The following DIAPH1 variants were observed in gnomAD, a reference collection of about 807,000 sequenced individuals.
DIAPH1 encodes protein diaphanous homolog 1.
Under a neutral mutation model 140.7 loss-of-function variants are expected in DIAPH1, and 46 were observed. That is an observed-to-expected ratio of 0.33 (90% CI 0.26 to 0.42). The LOEUF (loss-of-function observed/expected upper bound fraction) is 0.42, where lower values mean the gene tolerates loss of function less well. DIAPH1 is among the 10% of genes least tolerant of loss of function. DIAPH1 has a pLI of 1.00. For synonymous variants in DIAPH1, 565 were observed against 551.6 expected (o/e 1.02, Z -0.34); for missense variants, 1,310 against 1,558.7 (o/e 0.84, Z 2.69).
chr5:141,528,397 A>T, intron 23 of DIAPH1, 56 bp downstream of exon 23: 1 of 1,612,238 alleles, frequency 6.2e-7, no homozygotes, highest in Non-Finnish European at 8.5e-7. Context: ...ACTGTGTCTT[A>T]TTTCCCTCCC....
chr5:141,516,818 C>A lies in DIAPH1; in HGVS notation c.*33G>T, dbSNP rs757222276. Reference sequence around the variant, plus strand: ...TGCAGGGCAGGACAGTCTGCGGCTCCGCTGAGGAGCTGCCGCGGTCACAGG... The same window carrying A: ...TGCAGGGCAGGACAGTCTGCGGCTCAGCTGAGGAGCTGCCGCGGTCACAGG... On this transcript the variant is annotated 3_prime_UTR_variant, in exon 28 of 28. Transcript: ENST00000389054. 1.2e-6 allele frequency: 2 copies of A among 1,613,114 alleles called. No individual in the cohort carries two copies. The highest frequency in any genetic ancestry group is 1.1e-5 in the South Asian group (1 of 90,998).
At position 141,518,510 on chromosome 5, in the gene DIAPH1, AC is replaced by A. The variant is rs2099886042; in HGVS notation, c.3662-1503del. 1.8e-5 allele frequency: 3 copies of A among 162,788 alleles called. No homozygotes were observed. The South Asian group carries it at 4.5e-4, about 24-fold the overall frequency. 10.1% of individuals were successfully genotyped at this position (162,788 alleles called of 1,614,324 possible). A position where few individuals can be genotyped will look rare whatever the true frequency, so the allele number is the denominator to read the frequency against. On this transcript the variant is annotated intron_variant, in intron 27 of 27. Transcript: ENST00000389054. ...AAAGCTTTAGGTAGGCAGAAGCCAAACAGGATCAGATAGCCCGTCTTTTTTT... is the reference window on the plus strand; with the variant it reads ...AAAGCTTTAGGTAGGCAGAAGCCAAAAGGATCAGATAGCCCGTCTTTTTTT...
chr5:141,580,608 G>A, intron 8 of DIAPH1, 136 bp downstream of exon 8: 1 of 858,726 alleles, frequency 1.2e-6, no homozygotes, highest in Admixed American at 2.0e-5. Flanking sequence ...GATGCTTAGT[G>A]TTCACTTCTG....
chr5:141,608,269 G>C (rs1423057203), intron 1 of DIAPH1, among the ~76,000 whole-genome samples: 2 of 152,102 alleles, frequency 1.3e-5, no homozygotes, highest in South Asian at 4.1e-4. Flanking sequence ...GCACCACTGC[G>C]CTCCAGCCTG....
intron 1 of DIAPH1, among the ~76,000 whole-genome samples, chr5:141,599,534 T>A (rs1276198594): frequency 6.6e-6 from 1 of 152,180 alleles, no homozygotes; most frequent in Non-Finnish European, 1.5e-5. Context: ...CACTGCAACC[T>A]CCACCTCCTG....
intron 10 of DIAPH1, 65 bp downstream of exon 10, chr5:141,578,450 G>T: frequency 6.5e-7 from 1 of 1,530,492 alleles, no homozygotes; most frequent in Non-Finnish European, 9.1e-7. Context: ...TTATCCCCGG[G>T]ATTATTGGGG....
intron 26 of DIAPH1, among the ~76,000 whole-genome samples, chr5:141,525,078 C>T (rs1453857179): frequency 1.3e-5 from 2 of 152,166 alleles, no homozygotes; most frequent in African/African-American, 2.4e-5. Context: ...TGGGGACAAA[C>T]CCTGGAGTCC....
chr5:141,618,789 G>C lies in DIAPH1; in HGVS notation c.117+9C>G, dbSNP rs528279050. The C allele has an allele frequency of 6.5e-7, 1 of 1,539,472 alleles. No individual in the cohort carries two copies. Among genetic ancestry groups the C allele is most frequent in the Admixed American group, 1.9e-5 (1 of 52,344 alleles). ...GGCCAGGCAGGAGCGGGATGGGAGG[G>C]ACACTCACAAATTTCTTAGATTTGC... On this transcript the variant is annotated intron_variant, in intron 1 of 27. Coordinates refer to ENST00000389054, the MANE Select transcript of DIAPH1 (RefSeq NM_005219.5).
At chr5:141,583,378 C>A in intron 5 of DIAPH1, 86 bp from the exon 6 acceptor site, 2 of 1,605,292 alleles carry the variant, frequency 1.2e-6, no homozygotes. Context: ...ACTTACTACT[C>A]CCAATTCAGA....
chr5:141,548,871 A>G (rs984463419), intron 18 of DIAPH1, among the ~76,000 whole-genome samples: 1 of 152,348 alleles, frequency 6.6e-6, no homozygotes, highest in East Asian at 1.9e-4. Flanking sequence ...TAGTAAAATT[A>G]TAATTTGTAT....
chr5:141,525,995 C>T (rs762007788), intron 26 of DIAPH1, 43 bp downstream of exon 26: 2 of 1,612,268 alleles, frequency 1.2e-6, no homozygotes, highest in Admixed American at 1.7e-5. Flanking sequence ...GAAGTCTTCC[C>T]AACATTCCTA....
chr5:141,591,695 G>GAGAT lies in DIAPH1; in HGVS notation c.118-3446_118-3445insATCT, dbSNP rs1212743856. Among the ~76,000 whole-genome samples the GAGAT allele has an allele frequency of 6.9e-4, 60 of 86,354 alleles. 2 individuals carry two copies. Among genetic ancestry groups the GAGAT allele is most frequent in the African/African-American group, 2.6e-3 (46 of 17,482 alleles). 56.7% of individuals were successfully genotyped at this position (86,354 alleles called of 152,430 possible). A position where few individuals can be genotyped will look rare whatever the true frequency, so the allele number is the denominator to read the frequency against. The stretch of plus-strand genomic sequence containing the variant: ...TGGAAAAGGAAGGAAGGGAGATGGG[G>GAGAT]ATATATATATATATATATATATATA... On this transcript the variant is annotated intron_variant, in intron 1 of 27. Transcript: ENST00000389054.
Position 141,576,832 on chromosome 5 carries a change from C to G in DIAPH1, c.1320G>C (p.Gln440His). The G allele has an allele frequency of 6.2e-7, 1 of 1,613,802 alleles. No homozygotes were observed. Among genetic ancestry groups the G allele is most frequent in the Non-Finnish European group, 8.5e-7 (1 of 1,179,726 alleles). The change falls in exon 13 of 28, where the codon CAG becomes CAC. Residue 440 changes from glutamine (Q) to histidine (H), a missense_variant. Gln to His is a conservative substitution (Grantham distance 24). This residue lies in a region of DIAPH1 where 589 missense variants were observed against 549.3 expected (regional missense o/e 1.07). Transcript: ENST00000389054. ...YYKLIEECIS[Q>H]IVLHKNGADP... ...CAGCCCCGTTCTTGTGCAGAACTAT[C>G]TGGGAAATACATTCTTCAATCAACT...
Position 141,516,927 on chromosome 5 carries a change from G to GC in DIAPH1, c.3742dup (p.Ala1248GlyfsTer8), listed in dbSNP as rs1221941503. The GC allele has an allele frequency of 1.9e-6, 3 of 1,614,116 alleles. No homozygotes were observed. The highest frequency in any genetic ancestry group is 2.5e-6 in the Non-Finnish European group (3 of 1,180,042). On this transcript the variant is annotated frameshift_variant, in exon 28 of 28. Transcript: ENST00000389054. LOFTEE classifies it high-confidence loss of function. ...TGTCTCACTGTTCTTGGACACCTTG[G>GC]CAGGAACAGCAGCCATGGCATCATC...
chr5:141,531,140 C>T (rs1001375558), intron 19 of DIAPH1, among the ~76,000 whole-genome samples: 24 of 152,080 alleles, frequency 1.6e-4, no homozygotes, highest in Admixed American at 1.1e-3. Flanking sequence ...AGTAAGACAC[C>T]AACCTGCTAC....
chr5:141,578,049 T>C (rs2154596426), intron 11 of DIAPH1, 176 bp downstream of exon 11: 3 of 692,576 alleles, frequency 4.3e-6, no homozygotes, highest in Non-Finnish European at 5.3e-6. Flanking sequence ...CCCTGATCTA[T>C]GATAAGCTAA....
intron 1 of DIAPH1, among the ~76,000 whole-genome samples, chr5:141,600,976 GAC>G (rs1319451197): frequency 6.6e-6 from 1 of 151,960 alleles, no homozygotes; most frequent in Non-Finnish European, 1.5e-5. Context: ...CTATTGCAAG[GAC>G]AGAAAACCAA....
chr5:141,545,424 T>C (rs2099890643), intron 18 of DIAPH1, among the ~76,000 whole-genome samples: 1 of 152,016 alleles, frequency 6.6e-6, no homozygotes, highest in Non-Finnish European at 1.5e-5. Context: ...GGACAAGTGG[T>C]AGGACTGCTT....
Position 141,516,482 on chromosome 5 carries a change from AG to A in DIAPH1, c.*368del. On this transcript the variant is annotated 3_prime_UTR_variant, in exon 28 of 28. Coordinates refer to ENST00000389054, the MANE Select transcript of DIAPH1 (RefSeq NM_005219.5). ...AGCACAAATCCAGCAAGACTGACCT[AG>A]GGGGGAAAGCCCATTAGAAAGTCAG... 1 of 335,006 alleles carries A rather than the reference AG, an allele frequency of 3.0e-6. No individual in the cohort carries two copies. The highest frequency in any genetic ancestry group is 5.8e-6 in the Non-Finnish European group (1 of 173,158). The allele number at this position is 335,006 out of a possible 1,614,324, so 20.8% of individuals were successfully genotyped here.
Sources: gnomAD v4.1 joint callset for allele counts (sites outside exome capture counted in the v4.1 genomes callset) on GRCh38, gnomAD v4.1.1 for gene constraint, gnomAD v4.1.1 regional missense constraint, MANE v1.5 for transcripts, NCBI Gene and HGNC (gene_info 2026-07-23, HGNC 2026-07-21) for gene names.